The following NRG1 variants were observed in gnomAD, a reference collection of about 807,000 sequenced individuals.
NRG1 encodes the protein pro-neuregulin-1, membrane-bound isoform.
A neutral mutation model predicts 63.8 loss-of-function variants in NRG1; 18 were observed. The ratio of observed to expected loss-of-function variants is 0.28; its 90% confidence interval spans 0.19 to 0.42. The LOEUF (loss-of-function observed/expected upper bound fraction) is 0.42. Ranked by LOEUF, NRG1 falls within the 10% of genes least tolerant of loss-of-function variation. NRG1 has a pLI of 1.00. For missense variants in NRG1, 762 were observed against 814.7 expected (o/e 0.94, Z 0.79); for synonymous variants, 302 against 301.3 (o/e 1.00, Z -0.02).
At chr8:32,137,454 A>G (rs1002046878) in intron 1 of NRG1, among the ~76,000 whole-genome samples, 1 of 152,212 alleles carries the variant, frequency 6.6e-6, no homozygotes, top group African/African-American at 2.4e-5. Flanking sequence ...AAGAAAAAAA[A>G]TAAAATAAAA....
intron 1 of NRG1, among the ~76,000 whole-genome samples, chr8:32,113,957 C>T (rs564555438): frequency 1.5e-4 from 23 of 152,256 alleles, no homozygotes; most frequent in African/African-American, 5.3e-4. Context: ...AATTAGCACT[C>T]AATAAATTGT....
At chr8:32,596,896 C>T (rs1178463682) in intron 2 of NRG1, among the ~76,000 whole-genome samples, 2 of 151,832 alleles carry the variant, frequency 1.3e-5, no homozygotes, top group East Asian at 1.9e-4. Flanking sequence ...ATGTTCCTAC[C>T]CTCCCCGAGG....
intron 1 of NRG1, among the ~76,000 whole-genome samples, chr8:32,317,198 T>C (rs1269782898): frequency 1.3e-5 from 2 of 152,120 alleles, no homozygotes; most frequent in Non-Finnish European, 2.9e-5. Flanking sequence ...GTGGGAAAAA[T>C]AGAAAGAGAT....
At chr8:32,306,834 A>T (rs1462905400) in intron 1 of NRG1, among the ~76,000 whole-genome samples, 3 of 152,250 alleles carry the variant, frequency 2.0e-5, no homozygotes, top group Non-Finnish European at 2.9e-5. Flanking sequence ...AAGAGGAGCC[A>T]TTCATCAAAG....
intron 1 of NRG1, among the ~76,000 whole-genome samples, chr8:32,481,412 A>G (rs1486440618): frequency 6.6e-6 from 1 of 152,248 alleles, no homozygotes; most frequent in Non-Finnish European, 1.5e-5. Flanking sequence ...TGACAATGCA[A>G]GCCACATAGT....
chr8:32,367,913 T>C (rs1319523387), intron 1 of NRG1, among the ~76,000 whole-genome samples: 1 of 152,198 alleles, frequency 6.6e-6, no homozygotes, highest in East Asian at 1.9e-4. Context: ...CTCAGCACCA[T>C]TTATTGAAGA....
chr8:32,452,315 A>G (rs1183560246), intron 1 of NRG1, among the ~76,000 whole-genome samples: 1 of 152,050 alleles, frequency 6.6e-6, no homozygotes, highest in East Asian at 1.9e-4. Context: ...CTAAAGAGGG[A>G]GTGTTTTGGA....
At chr8:31,671,409 G>T (rs959219221) in intron 1 of NRG1, among the ~76,000 whole-genome samples, 5 of 152,144 alleles carry the variant, frequency 3.3e-5, no homozygotes, top group African/African-American at 7.2e-5. Context: ...CAACCAATTA[G>T]TTGGGGATAG....
chr8:31,878,766 C>T (rs1435387163), intron 1 of NRG1, among the ~76,000 whole-genome samples: 1 of 152,152 alleles, frequency 6.6e-6, no homozygotes, highest in Non-Finnish European at 1.5e-5. Context: ...CTACAGACCT[C>T]AACTTGTTGC....
At chr8:32,132,884 A>G (rs1478857956) in intron 1 of NRG1, among the ~76,000 whole-genome samples, 1 of 152,158 alleles carries the variant, frequency 6.6e-6, no homozygotes, top group African/African-American at 2.4e-5. Flanking sequence ...TTACAGGCTT[A>G]TAATACTGTC....
intron 1 of NRG1, among the ~76,000 whole-genome samples, chr8:31,918,039 TG>T (rs1179076454): frequency 6.6e-6 from 1 of 152,198 alleles, no homozygotes; most frequent in African/African-American, 2.4e-5. Context: ...TTGTGATTTT[TG>T]TACATTGATT....
chr8:32,660,649 C>T (rs1162370325), intron 5 of NRG1, among the ~76,000 whole-genome samples: 1 of 152,150 alleles, frequency 6.6e-6, no homozygotes, highest in Non-Finnish European at 1.5e-5. Context: ...GGCTTTAAGT[C>T]CCAGCCCTGT....
chr8:32,640,642 AC>A (rs1455437805), intron 5 of NRG1, among the ~76,000 whole-genome samples: 5 of 151,568 alleles, frequency 3.3e-5, no homozygotes, highest in African/African-American at 1.2e-4. Flanking sequence ...ACACACACAC[AC>A]ACACACACAC....
chr8:32,656,531 A>G (rs1210175101), intron 5 of NRG1, among the ~76,000 whole-genome samples: 2 of 152,186 alleles, frequency 1.3e-5, no homozygotes, highest in Non-Finnish European at 1.5e-5. Flanking sequence ...ACAGACAGAT[A>G]TAAGTTTGTA....
At chr8:32,750,643 G>A (rs538365549) in intron 7 of NRG1, among the ~76,000 whole-genome samples, 16 of 150,840 alleles carry the variant, frequency 1.1e-4, no homozygotes, top group Non-Finnish European at 2.4e-4. Context: ...CAGACTTTGC[G>A]GGAAATGAGG....
At chr8:31,692,616 GGAA>G (rs1157539859) in intron 1 of NRG1, among the ~76,000 whole-genome samples, 1 of 152,160 alleles carries the variant, frequency 6.6e-6, no homozygotes, top group South Asian at 2.1e-4. Flanking sequence ...CATTTTGACA[GGAA>G]GAAGAATAGA....
At chr8:32,178,657 C>A (rs967463286) in intron 1 of NRG1, among the ~76,000 whole-genome samples, 2 of 152,038 alleles carry the variant, frequency 1.3e-5, no homozygotes, top group Admixed American at 1.3e-4. Flanking sequence ...AATAGACTGT[C>A]CATGGGCAAA....
chr8:32,686,265 A>C (rs1241207654), intron 5 of NRG1, among the ~76,000 whole-genome samples: 1 of 152,230 alleles, frequency 6.6e-6, no homozygotes, highest in Non-Finnish European at 1.5e-5. Context: ...AATTATAAGC[A>C]CTACTCATAT....
At chr8:32,618,179 A>G (rs1413708658) in intron 5 of NRG1, among the ~76,000 whole-genome samples, 1 of 151,882 alleles carries the variant, frequency 6.6e-6, no homozygotes, top group African/African-American at 2.4e-5. Context: ...TTATGTAGCT[A>G]GCATCCAGGA....
Sources: gnomAD v4.1 joint callset for allele counts (sites outside exome capture counted in the v4.1 genomes callset) on GRCh38, gnomAD v4.1.1 for gene constraint, MANE v1.5 for transcripts, NCBI Gene and HGNC (gene_info 2026-07-23, HGNC 2026-07-21) for gene names.